Variants in REV3L observed in about 807,000 individuals in gnomAD.
REV3L encodes DNA polymerase zeta catalytic subunit.
Under a neutral mutation model 299.4 loss-of-function variants are expected in REV3L, and 69 were observed. The ratio of observed to expected loss-of-function variants is 0.23; its 90% CI spans 0.19 to 0.28. The LOEUF (loss-of-function observed/expected upper bound fraction) is 0.28. Ranked by LOEUF, REV3L falls within the 10% of genes least tolerant of loss-of-function variation. The pLI is 1.00. For missense variants in REV3L, 3,128 were observed against 3,693.8 expected, an observed-to-expected ratio of 0.85 and a Z score of 3.97; for synonymous variants, 1,238 against 1,271.4, an observed-to-expected ratio of 0.97 and a Z score of 0.56.
intron 13 of REV3L, among the ~76,000 whole-genome samples, chr6:111,371,919 T>C (rs957089645): frequency 1.3e-5 from 2 of 152,078 alleles, no homozygotes; most frequent in South Asian, 4.1e-4. Context: ...CGCAAACTCC[T>C]GGGCTCAAGC....
chr6:111,307,782 A>G (rs1772490734), intron 30 of REV3L: 1 of 548,570 alleles, frequency 1.8e-6, no homozygotes, highest in Non-Finnish European at 3.2e-6. Context: ...TTACATCTTA[A>G]TATTATCAGA....
chr6:111,310,341 G>A (rs1250032381), intron 29 of REV3L: 1 of 328,034 alleles, frequency 3.0e-6, no homozygotes. Context: ...GGAAAATAAT[G>A]AGTTGGCAGA....
Position 111,390,098 on chromosome 6 carries a change from G to T in REV3L, c.745C>A (p.Leu249Met). ...ATTGTGTATGAACCTTCAATGTCCA[G>T]ACGATTTAAGATATCAGCAGCTACA... ...DAVAADILNRLDIEAQIGGNP... is the reference protein window; with the variant it reads ...DAVAADILNRMDIEAQIGGNP... The change falls in exon 6 of 32, where the codon CTG (leucine) becomes ATG (methionine). Residue 249 changes from leucine to methionine, a missense_variant. This residue lies in a region of REV3L where 2,409 missense variants were observed against 2,611.8 expected (regional missense o/e 0.92). Transcript: ENST00000368802. The T allele has an allele frequency of 1.2e-6, 2 of 1,603,612 alleles. No homozygotes were observed. Among genetic ancestry groups the T allele is most frequent in the Non-Finnish European group, 1.7e-6 (2 of 1,170,802 alleles).
intron 2 of REV3L, among the ~76,000 whole-genome samples, chr6:111,414,145 T>C (rs1360185161): frequency 1.3e-5 from 2 of 152,002 alleles, no homozygotes; most frequent in African/African-American, 4.8e-5. Context: ...CTGTATTAAG[T>C]GCTAAAGAAA....
rs552193346 is a variant in REV3L, at chr6:111,482,967, C to A, written c.-79G>T. ...GCAGCGGCGGCGGCTCCCTCCGCAG[C>A]GGCGGCGGCGCCCCCTCCCCTTCTC... On this transcript the variant is annotated 5_prime_UTR_variant, in exon 1 of 32. Transcript: ENST00000368802. The A allele has an allele frequency of 1.4e-6, 2 of 1,410,370 alleles. No individual in the cohort carries two copies. Among genetic ancestry groups the A allele is most frequent in the East Asian group, 3.0e-5 (1 of 33,658 alleles). The allele number at this position is 1,410,370 out of a possible 1,614,324, so 87.4% of individuals were successfully genotyped here.
At position 111,360,468 on chromosome 6, in the gene REV3L, A is replaced by ATT. The variant is rs1362929978; in HGVS notation, c.6880-1455_6880-1454insAA. Among the ~76,000 whole-genome samples the ATT allele has an allele frequency of 5.5e-4, 74 of 133,450 alleles. 3 individuals are homozygous for ATT. The highest frequency in any genetic ancestry group is 1.0e-3 in the East Asian group (5 of 4,772). 87.5% of individuals were successfully genotyped at this position (133,450 alleles called of 152,430 possible). A position where few individuals can be genotyped will look rare whatever the true frequency, so the allele number is the denominator to read the frequency against. On this transcript the variant is annotated intron_variant, in intron 16 of 31. Transcript: ENST00000368802. Reference sequence around the variant, plus strand: ...GTGCTCATTGTAAATTTGTTAAATAATCTTTTTTTTTTTTTTTTTTTTTTA... The same window carrying ATT: ...GTGCTCATTGTAAATTTGTTAAATAATTTCTTTTTTTTTTTTTTTTTTTTTTA...
chr6:111,328,922 T>C (rs1481919439), intron 25 of REV3L, among the ~76,000 whole-genome samples: 2 of 152,180 alleles, frequency 1.3e-5, no homozygotes, highest in East Asian at 3.9e-4. Context: ...CATAACACTA[T>C]GCCCGGCTAG....
intron 4 of REV3L, among the ~76,000 whole-genome samples, chr6:111,404,364 C>T (rs1485088732): frequency 6.6e-6 from 1 of 152,192 alleles, no homozygotes; most frequent in African/African-American, 2.4e-5. Context: ...TAACAATGCA[C>T]CTGGTCACCC....
intron 6 of REV3L, 58 bp downstream of exon 6, chr6:111,390,028 C>CT (rs1781752169): frequency 2.0e-5 from 24 of 1,188,574 alleles, no homozygotes; most frequent in South Asian, 2.6e-5. Context: ...GCCACCACAC[C>CT]CGCCGGTCAT....
At chr6:111,358,357 C>T (rs1778308320) in intron 17 of REV3L, among the ~76,000 whole-genome samples, 1 of 151,732 alleles carries the variant, frequency 6.6e-6, no homozygotes, top group Non-Finnish European at 1.5e-5. Context: ...AAGGTGGACT[C>T]TGTATTAGTA....
rs1780228787 is a variant in REV3L, at chr6:111,375,658, A to G, written c.2697T>C (p.Phe899=). The change falls in exon 13 of 32, where the codon TTT becomes TTC. Residue 899 remains phenylalanine, a synonymous_variant. Transcript: ENST00000368802. ...GCTCAGTTTCTAACGTTCCATCTCC[A>G]AAGTGACAGTCTATAAAACCATCTG... ...TPTDGFIDCH[F]GDGTLETEQS... is the part of the protein sequence containing the mutation. The G allele has an allele frequency of 1.2e-6, 2 of 1,613,986 alleles. No homozygotes were observed. The highest frequency in any genetic ancestry group is 1.7e-6 in the Non-Finnish European group (2 of 1,179,914).
At chr6:111,453,167 C>T (rs1789753598) in intron 1 of REV3L, among the ~76,000 whole-genome samples, 1 of 152,114 alleles carries the variant, frequency 6.6e-6, no homozygotes, top group Non-Finnish European at 1.5e-5. Context: ...CAACATATTT[C>T]TGGGCACCAT....
chr6:111,336,149 A>G (rs1242401548), intron 21 of REV3L, among the ~76,000 whole-genome samples: 3 of 152,116 alleles, frequency 2.0e-5, no homozygotes, highest in South Asian at 2.1e-4. Context: ...ACATATTTCA[A>G]TAAGTATTTT....
At chr6:111,402,839 A>G (rs900659823) in intron 4 of REV3L, among the ~76,000 whole-genome samples, 1 of 152,340 alleles carries the variant, frequency 6.6e-6, no homozygotes. Context: ...GAGAAGTAGA[A>G]GGGAAGGAAT....
chr6:111,321,748 CATT>C (rs1447935092), intron 26 of REV3L, among the ~76,000 whole-genome samples: 2 of 152,200 alleles, frequency 1.3e-5, no homozygotes, highest in African/African-American at 4.8e-5. Context: ...TGATCAGAAG[CATT>C]ATCTCCTATT....
chr6:111,362,256 G>C (rs1401586718), intron 16 of REV3L, among the ~76,000 whole-genome samples: 2 of 151,998 alleles, frequency 1.3e-5, no homozygotes, highest in Non-Finnish European at 2.9e-5. Flanking sequence ...ATGAGGGAGA[G>C]ACTATGTTCC....
At chr6:111,333,474 T>C in intron 22 of REV3L, 107 bp from the exon 23 acceptor site, 6 of 1,358,070 alleles carry the variant, frequency 4.4e-6, no homozygotes, top group Non-Finnish European at 5.9e-6. Flanking sequence ...TAAGATTGTA[T>C]GACTTTTTTT....
At position 111,322,935 on chromosome 6, in the gene REV3L, G is replaced by C. The variant is rs17511392; in HGVS notation, c.8242-257C>G. ...GTATAACAGTAAGTGGACTGCACTT[G>C]TTACAAGGTACTCAGCTACGTTGGA... On this transcript the variant is annotated intron_variant, in intron 25 of 31. Coordinates refer to ENST00000368802, the MANE Select transcript of REV3L (RefSeq NM_001372078.1). Among the ~76,000 whole-genome samples the C allele has an allele frequency of 4.6e-5, 7 of 151,926 alleles. No individual in the cohort carries two copies. The South Asian group carries it at 1.2e-3, about 27-fold the overall frequency.
intron 25 of REV3L, among the ~76,000 whole-genome samples, chr6:111,323,840 C>T (rs1774457322): frequency 6.6e-6 from 1 of 152,016 alleles, no homozygotes; most frequent in Non-Finnish European, 1.5e-5. Flanking sequence ...TCATCCTTCT[C>T]CCTTTACTGT....
Sources: allele counts gnomAD v4.1 joint callset (sites outside exome capture counted in the v4.1 genomes callset), GRCh38; gene constraint gnomAD v4.1.1; regional missense constraint gnomAD v4.1.1; transcripts MANE v1.5; gene names NCBI Gene and HGNC (gene_info 2026-07-23, HGNC 2026-07-21).